DMD: variants seen among roughly 807,000 people sequenced by gnomAD.
DMD encodes the protein dystrophin, also known as mutant dystrophin.
DMD carries 63 observed loss-of-function variants against 330.1 expected under a neutral mutation model. The ratio of observed to expected loss-of-function variants is 0.19; its 90% CI spans 0.16 to 0.24. The LOEUF (loss-of-function observed/expected upper bound fraction) is 0.24. Ranked by LOEUF, DMD falls within the 10% of genes least tolerant of loss-of-function variation. The pLI, the probability that DMD is intolerant of heterozygous loss-of-function variation, is 1.00. For synonymous variants in DMD, 1,223 were observed against 959.8 expected, an observed-to-expected ratio of 1.27 and a Z score of -5.07; for missense variants, 3,344 against 2,684.1, an observed-to-expected ratio of 1.25 and a Z score of -5.43.
In DMD at chrX:32,565,694, T is replaced by C. The variant is rs377160758; in HGVS notation, c.1992+8A>G. 4 of 1,207,054 alleles carry C rather than the reference T, an allele frequency of 3.3e-6. No homozygotes were observed. In the African/African-American group the frequency reaches 7.0e-5, roughly 21 times the overall value. The stretch of plus-strand genomic sequence containing the variant: ...ATAGTCTGTAGCATGATAATTGGTA[T>C]CACTAACCTGTGCTGTACTCTTTTC... On this transcript the variant is annotated splice_region_variant and intron_variant, in intron 16 of 78. Coordinates refer to ENST00000357033, the MANE Select transcript of DMD (RefSeq NM_004006.3).
intron 48 of DMD, among the ~76,000 whole-genome samples, chrX:31,839,948 T>C (rs2093281790): frequency 8.9e-6 from 1 of 111,821 alleles, no homozygotes; most frequent in Non-Finnish European, 1.9e-5. Context: ...ATATTTCCTA[T>C]ACAAATCTAA....
intron 55 of DMD, among the ~76,000 whole-genome samples, chrX:31,548,558 CTTTTTTT>C (rs754058241): frequency 1.0e-5 from 1 of 95,477 alleles, no homozygotes; most frequent in Non-Finnish European, 2.1e-5. Flanking sequence ...TTTTCTTTTT[CTTTTTTT>C]TTTTTTTTTG....
At chrX:32,328,786 G>A (rs1365420424) in intron 41 of DMD, among the ~76,000 whole-genome samples, 2 of 110,946 alleles carry the variant, frequency 1.8e-5, no homozygotes, top group African/African-American at 6.5e-5. Flanking sequence ...GAAAAAGAAA[G>A]GCCATTTTAA....
At chrX:32,336,113 A>G (rs887600088) in intron 41 of DMD, among the ~76,000 whole-genome samples, 2 of 109,957 alleles carry the variant, frequency 1.8e-5, no homozygotes, top group Non-Finnish European at 3.8e-5. Flanking sequence ...TACATGTTAT[A>G]TATGTTATAT....
At chrX:32,985,003 A>C (rs989084152) in intron 2 of DMD, among the ~76,000 whole-genome samples, 2 of 112,349 alleles carry the variant, frequency 1.8e-5, no homozygotes, top group African/African-American at 6.5e-5. Context: ...GTACAATATA[A>C]TTTAAAAGGT....
At chrX:32,507,324 T>G (rs185659605) in intron 18 of DMD, among the ~76,000 whole-genome samples, 1 of 111,801 alleles carries the variant, frequency 8.9e-6, no homozygotes, top group Non-Finnish European at 1.9e-5. Flanking sequence ...TTTATCTACA[T>G]TGAGCTTTTG....
At chrX:32,121,883 A>C (rs1282473067) in intron 44 of DMD, among the ~76,000 whole-genome samples, 1 of 108,688 alleles carries the variant, frequency 9.2e-6, no homozygotes, top group Non-Finnish European at 1.9e-5. Context: ...TGCATTTTAG[A>C]ATTCTCAGAT....
intron 57 of DMD, 72 bp from the exon 58 acceptor site, chrX:31,479,175 A>T: frequency 8.9e-7 from 1 of 1,122,251 alleles, no homozygotes; most frequent in Non-Finnish European, 1.2e-6. Context: ...CTGGGTGCTC[A>T]GAACTTGTTT....
chrX:31,129,403 T>A (rs992259588), intron 77 of DMD, among the ~76,000 whole-genome samples: 3 of 112,309 alleles, frequency 2.7e-5, no homozygotes, highest in Non-Finnish European at 3.8e-5. Context: ...AATAATCTTG[T>A]TCAGCTGAAA....
intron 44 of DMD, among the ~76,000 whole-genome samples, chrX:32,037,872 A>T (rs2095962576): frequency 1.8e-5 from 2 of 111,781 alleles, no homozygotes; most frequent in South Asian, 7.4e-4. Context: ...ATTTATTTTA[A>T]ATTATAGCAA....
At chrX:32,604,394 A>G (rs1368259775) in intron 12 of DMD, among the ~76,000 whole-genome samples, 1 of 110,558 alleles carries the variant, frequency 9.0e-6, no homozygotes, top group African/African-American at 3.3e-5. Flanking sequence ...TTGAAAGAAC[A>G]TATCTCAAAA....
chrX:32,435,819 G>A (rs771551108), intron 29 of DMD, among the ~76,000 whole-genome samples: 124 of 111,309 alleles, frequency 1.1e-3, no homozygotes, highest in Non-Finnish European at 1.6e-3. Context: ...ACTATGGGTC[G>A]TGTTTGACAA....
At chrX:32,720,512 G>T (rs2066181761) in intron 7 of DMD, among the ~76,000 whole-genome samples, 1 of 111,676 alleles carries the variant, frequency 9.0e-6, no homozygotes, top group African/African-American at 3.2e-5. Flanking sequence ...CGCCTTTTTA[G>T]AAACTACTTA....
chrX:33,197,960 T>C (rs5972773), intron 1 of DMD, among the ~76,000 whole-genome samples: 64,092 of 110,222 alleles, frequency 0.58, 16,787 homozygotes, highest in Non-Finnish European at 0.82. Flanking sequence ...GGCTGTATGG[T>C]GACTGCATGT....
intron 53 of DMD, among the ~76,000 whole-genome samples, chrX:31,666,277 A>T (rs2081422366): frequency 8.9e-6 from 1 of 111,757 alleles, no homozygotes; most frequent in Non-Finnish European, 1.9e-5. Context: ...TGGCCATGTG[A>T]CTGGTTTTGT....
intron 54 of DMD, among the ~76,000 whole-genome samples, chrX:31,655,765 C>G (rs753238932): frequency 8.1e-5 from 9 of 111,169 alleles, no homozygotes; most frequent in Non-Finnish European, 1.7e-4. Context: ...AAGGCCCTTA[C>G]CAGATTCCAG....
chrX:32,618,033 G>A (rs914320614), intron 11 of DMD, among the ~76,000 whole-genome samples: 1 of 111,701 alleles, frequency 9.0e-6, no homozygotes, highest in African/African-American at 3.2e-5. Context: ...CAGCTTACTT[G>A]CAAAGAAAAG....
Position 31,121,293 on chromosome X carries a change from G to A in DMD, c.*626C>T, listed in dbSNP as rs978842418. The stretch of plus-strand genomic sequence containing the variant: ...CCCACTCAGCTGACAGTTCTCAAAT[G>A]AGCAGTGTGTAGTAGTCATTTGGTG... On this transcript the variant is annotated 3_prime_UTR_variant, in exon 79 of 79. Coordinates refer to ENST00000357033, the MANE Select transcript of DMD (RefSeq NM_004006.3). The A allele has an allele frequency of 1.8e-5, 2 of 113,651 alleles. No homozygotes were observed. Among genetic ancestry groups the A allele is most frequent in the Non-Finnish European group, 3.7e-5 (2 of 54,578 alleles). The allele number at this position is 113,651 out of a possible 1,213,427, so 9.4% of individuals were successfully genotyped here. A position where few individuals can be genotyped will look rare whatever the true frequency, so the allele number is the denominator to read the frequency against.
intron 51 of DMD, among the ~76,000 whole-genome samples, chrX:31,760,416 G>A (rs1444732040): frequency 8.9e-6 from 1 of 111,869 alleles, no homozygotes; most frequent in Non-Finnish European, 1.9e-5. Context: ...TATACATGTA[G>A]GACAGTGGTC....
Sources: allele counts gnomAD v4.1 joint callset (sites outside exome capture counted in the v4.1 genomes callset), GRCh38; gene constraint gnomAD v4.1.1; transcripts MANE v1.5; gene names NCBI Gene and HGNC (gene_info 2026-07-23, HGNC 2026-07-21).